SEC22C: variants seen among roughly 807,000 people sequenced by gnomAD.
SEC22C encodes the protein SEC22 homolog C, vesicle trafficking protein.
Under a neutral mutation model 34.7 loss-of-function variants are expected in SEC22C, and 29 were observed. The ratio of observed to expected loss-of-function variants is 0.84; its 90% CI spans 0.62 to 1.14. The LOEUF (loss-of-function observed/expected upper bound fraction) is 1.14. Among genes scored for constraint, SEC22C ranks in the 50% most tolerant of loss-of-function variants. The pLI is 0.00. For synonymous variants in SEC22C, 117 were observed against 132.8 expected, an observed-to-expected ratio of 0.88 and a Z score of 0.82; for missense variants, 337 against 369.0, an observed-to-expected ratio of 0.91 and a Z score of 0.71.
intron 1 of SEC22C, chr3:42,594,577 C>A (rs1289152333): frequency 7.3e-6 from 10 of 1,361,556 alleles, no homozygotes; most frequent in Non-Finnish European, 1.0e-5. Flanking sequence ...TAATCCATCT[C>A]TTACAAAATG....
At chr3:42,565,643 T>C (rs1036417929) in intron 2 of SEC22C, 3 of 272,056 alleles carry the variant, frequency 1.1e-5, no homozygotes, top group African/African-American at 4.6e-5. Flanking sequence ...CATGCAACCA[T>C]GGAGACAGAG....
rs377427857 is a variant in SEC22C, at chr3:42,599,791, AATG to A, written c.-28+1166_-28+1168del. Reference sequence around the variant, plus strand: ...TTACTTGACAACATAAGCAAAAATTAATGATATTAGATCATATCATAGACTTAC... The same window carrying A: ...TTACTTGACAACATAAGCAAAAATTAATATTAGATCATATCATAGACTTAC... On this transcript the variant is annotated intron_variant, in intron 1 of 6. Transcript: ENST00000417572. Among the ~76,000 whole-genome samples, 19 of 152,380 alleles carry A rather than the reference AATG, an allele frequency of 1.2e-4. 1 individual carries two copies. The East Asian group carries it at 3.3e-3, about 26-fold the overall frequency.
At chr3:42,560,173 T>C (rs972980170) in intron 4 of SEC22C, among the ~76,000 whole-genome samples, 3 of 145,380 alleles carry the variant, frequency 2.1e-5, no homozygotes, top group African/African-American at 7.5e-5. Flanking sequence ...ATATATATTT[T>C]ATATATAATA....
intron 1 of SEC22C, among the ~76,000 whole-genome samples, chr3:42,575,148 T>C (rs942866721): frequency 2.0e-5 from 3 of 152,154 alleles, no homozygotes; most frequent in African/African-American, 7.2e-5. Flanking sequence ...AGGCCTGGCC[T>C]AAAATGTAAT....
intron 1 of SEC22C, among the ~76,000 whole-genome samples, chr3:42,569,943 C>G (rs1403034621): frequency 6.6e-6 from 1 of 152,186 alleles, no homozygotes; most frequent in East Asian, 1.9e-4. Flanking sequence ...ACCTGTACAT[C>G]TGTGAGTGGC....
At chr3:42,570,739 G>C (rs1444610880) in intron 1 of SEC22C, among the ~76,000 whole-genome samples, 1 of 152,068 alleles carries the variant, frequency 6.6e-6, no homozygotes, top group South Asian at 2.1e-4. Context: ...AAGGAATCAG[G>C]GGATTCCTTT....
chr3:42,581,084 CTATT>C (rs1038095449), intron 1 of SEC22C, among the ~76,000 whole-genome samples: 1 of 152,212 alleles, frequency 6.6e-6, no homozygotes, highest in Non-Finnish European at 1.5e-5. Flanking sequence ...AGAGGAAACA[CTATT>C]TGTTTATTTA....
intron 4 of SEC22C, 74 bp from the exon 5 acceptor site, chr3:42,557,770 A>G (rs1037548257): frequency 2.7e-6 from 2 of 727,824 alleles, no homozygotes; most frequent in East Asian, 5.0e-5. Context: ...GAAGACATTA[A>G]CTAGACCTAC....
intron 2 of SEC22C, among the ~76,000 whole-genome samples, chr3:42,568,437 G>C (rs35216140): frequency 0.14 from 20,901 of 151,948 alleles, 1,832 homozygotes; most frequent in African/African-American, 0.24. Flanking sequence ...CCTGAGATCT[G>C]GAATTCGAGA....
chr3:42,579,881 C>A (rs919362833), intron 1 of SEC22C, among the ~76,000 whole-genome samples: 15 of 152,292 alleles, frequency 9.8e-5, no homozygotes, highest in Admixed American at 9.8e-4. Flanking sequence ...AGATCCCTTG[C>A]CATAGTTCTG....
At chr3:42,557,781 A>C in intron 4 of SEC22C, 85 bp from the exon 5 acceptor site, 1 of 655,968 alleles carries the variant, frequency 1.5e-6, no homozygotes, top group Non-Finnish European at 2.8e-6. Context: ...CTAGACCTAC[A>C]CTAATGATAG....
At chr3:42,590,600 C>T (rs1033536480) in intron 1 of SEC22C, among the ~76,000 whole-genome samples, 3 of 151,278 alleles carry the variant, frequency 2.0e-5, no homozygotes, top group African/African-American at 7.3e-5. Context: ...AAAAAAAAAG[C>T]ATGCACAGCC....
At chr3:42,591,202 T>C (rs1321583594) in intron 1 of SEC22C, 1 of 149,974 alleles carries the variant, frequency 6.7e-6, no homozygotes, top group Non-Finnish European at 1.2e-5. Flanking sequence ...CTTTCTCTCC[T>C]TTTTTTTTTT....
At chr3:42,561,551 A>G (rs1702910649) in intron 3 of SEC22C, among the ~76,000 whole-genome samples, 2 of 151,846 alleles carry the variant, frequency 1.3e-5, no homozygotes, top group South Asian at 4.2e-4. Context: ...AATTTTTTTC[A>G]TTTTTAAATT....
In SEC22C at chr3:42,550,164, T is replaced by C. The variant is rs1325059639; in HGVS notation, c.*3084A>G. ...GAGCCACACTCTGGCCTTGATACAG[T>C]AGATGGGACTTAACACACTCTGATG... On this transcript the variant is annotated 3_prime_UTR_variant, in exon 7 of 7. Coordinates refer to ENST00000264454, the MANE Select transcript of SEC22C (RefSeq NM_032970.4). 1 of 985,352 alleles carries C rather than the reference T, an allele frequency of 1.0e-6. No individual in the cohort carries two copies. Among genetic ancestry groups the C allele is most frequent in the African/African-American group, 1.7e-5 (1 of 57,252 alleles). The allele number at this position is 985,352 out of a possible 1,614,324, so 61.0% of individuals were successfully genotyped here.
At chr3:42,585,996 C>A (rs571894977), upstream of SEC22C, among the ~76,000 whole-genome samples, 2 of 152,070 alleles carry the variant, frequency 1.3e-5, no homozygotes, top group Admixed American at 1.3e-4. Context: ...AAAGAGCAAC[C>A]ATCAAAGTGA....
At chr3:42,585,840 C>A (rs923242685), upstream of SEC22C, among the ~76,000 whole-genome samples, 1 of 152,164 alleles carries the variant, frequency 6.6e-6, no homozygotes, top group Non-Finnish European at 1.5e-5. Flanking sequence ...GTCCTCAACA[C>A]CTTTCAGCGC....
At chr3:42,573,625 G>C (rs1219725320) in intron 1 of SEC22C, 2 of 152,236 alleles carry the variant, frequency 1.3e-5, no homozygotes, top group Non-Finnish European at 1.5e-5. Context: ...CCTGAGACCA[G>C]GAGTTTGAGA....
intron 1 of SEC22C, among the ~76,000 whole-genome samples, chr3:42,571,450 TTGTG>T (rs1282168541): frequency 6.6e-6 from 1 of 152,182 alleles, no homozygotes; most frequent in Non-Finnish European, 1.5e-5. Context: ...ACTAACTTGT[TTGTG>T]TGTATTTGTG....
Sources: allele counts gnomAD v4.1 joint callset (sites outside exome capture counted in the v4.1 genomes callset), GRCh38; gene constraint gnomAD v4.1.1; transcripts MANE v1.5; gene names NCBI Gene and HGNC (gene_info 2026-07-23, HGNC 2026-07-21).